Variants in ZNF512 observed in about 807,000 individuals in gnomAD.
The protein encoded by ZNF512 is zinc finger protein 512.
Under a neutral mutation model 77.5 loss-of-function variants are expected in ZNF512, and 25 were observed. The observed-to-expected ratio is 0.32, with a 90% CI of 0.23 to 0.45. The LOEUF (loss-of-function observed/expected upper bound fraction) is 0.45. ZNF512 is among the 20% of genes least tolerant of loss of function. ZNF512 has a pLI of 1.00. For missense variants in ZNF512, 483 were observed against 692.6 expected (o/e 0.70, Z 3.40); for synonymous variants, 246 against 239.9 (o/e 1.03, Z -0.24).
rs191376605 is a variant in ZNF512, at chr2:27,594,295, G to A, written c.90-3772G>A. Among the ~76,000 whole-genome samples, 11 of 148,258 alleles carry A rather than the reference G, an allele frequency of 7.4e-5. No homozygotes were observed. In the East Asian group the frequency reaches 1.8e-3, roughly 24 times the overall value. On this transcript the variant is annotated intron_variant, in intron 2 of 13. Transcript: ENST00000355467. ...CAGAGGCACTCCTCAGTTCGCAGAC[G>A]GGGTGGCAGCCGGGCAGAGGCGCTC...
At chr2:27,605,346 T>G (rs1672305557) in intron 9 of ZNF512, among the ~76,000 whole-genome samples, 1 of 151,812 alleles carries the variant, frequency 6.6e-6, no homozygotes, top group Admixed American at 6.6e-5. Flanking sequence ...CCCAGCTACT[T>G]GGGAGGTTGA....
intron 2 of ZNF512, among the ~76,000 whole-genome samples, chr2:27,594,503 C>T (rs1277401389): frequency 2.8e-5 from 4 of 143,512 alleles, no homozygotes; most frequent in East Asian, 2.1e-4. Context: ...ACAGGGCGGC[C>T]GGGCAGAGGC....
chr2:27,616,699 T>C (rs1672896332), intron 12 of ZNF512, among the ~76,000 whole-genome samples: 1 of 152,232 alleles, frequency 6.6e-6, no homozygotes, highest in African/African-American at 2.4e-5. Context: ...TGTGCTTACC[T>C]GGATTGGTAA....
At chr2:27,600,158 G>A in intron 5 of ZNF512, 105 bp downstream of exon 5, 1 of 1,304,886 alleles carries the variant, frequency 7.7e-7, no homozygotes, top group East Asian at 2.5e-5. Context: ...CTTTAAGGAG[G>A]CAGTTACTAA....
In ZNF512 at chr2:27,622,171, G is replaced by A. The variant is rs944294109; in HGVS notation, c.*710G>A. ...ACCCAAACATTAAAATGACAGGAAA[G>A]AGAAAGTAGAAGCAGCAATAAATAC... On this transcript the variant is annotated 3_prime_UTR_variant, in exon 14 of 14. Coordinates refer to ENST00000355467, the MANE Select transcript of ZNF512 (RefSeq NM_032434.4). 6.6e-6 allele frequency: 1 copy of A among 152,348 alleles called. No individual in the cohort carries two copies. The highest frequency in any genetic ancestry group is 1.5e-5 in the Non-Finnish European group (1 of 68,060). The allele number at this position is 152,348 out of a possible 1,614,324, so 9.4% of individuals were successfully genotyped here.
intron 10 of ZNF512, among the ~76,000 whole-genome samples, chr2:27,612,103 T>C (rs1572932096): frequency 1.3e-5 from 2 of 152,360 alleles, no homozygotes; most frequent in South Asian, 4.1e-4. Context: ...TCTATTTGTA[T>C]AAGTAAAGAC....
chr2:27,583,318 C>T (rs939772386), intron 1 of ZNF512, 176 bp downstream of exon 1: 30 of 1,266,870 alleles, frequency 2.4e-5, no homozygotes, highest in Non-Finnish European at 3.3e-5. Flanking sequence ...CTGCCTGTTC[C>T]CCACCTCCTT....
chr2:27,586,959 T>A (rs1292458889), intron 2 of ZNF512, among the ~76,000 whole-genome samples: 1 of 152,256 alleles, frequency 6.6e-6, no homozygotes, highest in East Asian at 1.9e-4. Flanking sequence ...TGTTTAGCCA[T>A]CTATCTTGAT....
chr2:27,599,887 G>C (rs1464594990), intron 4 of ZNF512, 83 bp from the exon 5 acceptor site: 1 of 1,460,462 alleles, frequency 6.8e-7, no homozygotes, highest in South Asian at 1.2e-5. Context: ...CTGGGAAATA[G>C]GGTGTTGAAG....
chr2:27,602,607 C>A lies in ZNF512; in HGVS notation c.768+46C>A. 3.3e-6 allele frequency: 5 copies of A among 1,520,188 alleles called. No homozygotes were observed. The South Asian group carries it at 4.9e-5, about 15-fold the overall frequency. The allele number at this position is 1,520,188 out of a possible 1,614,324, so 94.2% of individuals were successfully genotyped here. ...ATTCCTTCTGCCTGAATTCTCAGGT[C>A]AATGTCTTTCGTTCTTCTTTCCATT... On this transcript the variant is annotated intron_variant, in intron 8 of 13. Transcript: ENST00000355467.
In ZNF512 at chr2:27,621,730, C is replaced by T. The variant is rs1448830993; in HGVS notation, c.*269C>T. The T allele has an allele frequency of 2.7e-6, 1 of 375,100 alleles. No homozygotes were observed. Among genetic ancestry groups the T allele is most frequent in the East Asian group, 5.3e-5 (1 of 18,706 alleles). The allele number at this position is 375,100 out of a possible 1,614,324, so 23.2% of individuals were successfully genotyped here. On this transcript the variant is annotated 3_prime_UTR_variant, in exon 14 of 14. Coordinates refer to ENST00000355467, the MANE Select transcript of ZNF512 (RefSeq NM_032434.4). ...GCTCCCTCTCAAGGCCAACTATAGG[C>T]TCCTCTTGCCCTGTACAAAACTAAG... is the stretch of plus-strand genomic sequence containing the variant.
At position 27,623,012 on chromosome 2, in the gene ZNF512, A is replaced by G. The variant is rs542622940; in HGVS notation, c.*1551A>G. On this transcript the variant is annotated 3_prime_UTR_variant, in exon 14 of 14. Coordinates refer to ENST00000355467, the MANE Select transcript of ZNF512 (RefSeq NM_032434.4). ...TAGATGAGGGTTGTCAGGGAGGAGA[A>G]ATGAAGAAGCTATGTTAATTTCTGG... 3 of 152,950 alleles carry G rather than the reference A, an allele frequency of 2.0e-5. No homozygotes were observed. Among genetic ancestry groups the G allele is most frequent in the Admixed American group, 1.3e-4 (2 of 15,310 alleles). The allele number at this position is 152,950 out of a possible 1,614,324, so 9.5% of individuals were successfully genotyped here.
Position 27,599,611 on chromosome 2 carries a change from A to T in ZNF512, c.306A>T (p.Lys102Asn). 1 of 1,614,212 alleles carries T rather than the reference A, an allele frequency of 6.2e-7. No homozygotes were observed. The highest frequency in any genetic ancestry group is 8.5e-7 in the Non-Finnish European group (1 of 1,180,028). ...EGSGGVSAKG[K>N]RKPRQEEDED... is the part of the protein sequence containing the mutation. ...CAGGTGGAGTATCAGCCAAGGGGAAAAGGAAACCCAGGCAGGAAGAAGATG... is the reference window on the plus strand; with the variant it reads ...CAGGTGGAGTATCAGCCAAGGGGAATAGGAAACCCAGGCAGGAAGAAGATG... The change falls in exon 4 of 14, where the codon AAA becomes AAT. Residue 102 changes from lysine (K) to asparagine (N), a missense_variant. This residue lies in a region of ZNF512 where 159 missense variants were observed against 167.5 expected (regional missense o/e 0.95). Coordinates refer to ENST00000355467, the MANE Select transcript of ZNF512 (RefSeq NM_032434.4).
chr2:27,590,901 G>GT (rs537012169), intron 2 of ZNF512, among the ~76,000 whole-genome samples: 3 of 152,120 alleles, frequency 2.0e-5, no homozygotes, highest in Non-Finnish European at 4.4e-5. Context: ...GGAATCATTT[G>GT]TTTTAGCATT....
chr2:27,607,870 A>C lies in ZNF512; in HGVS notation c.962A>C (p.Gln321Pro). Residue 321 changes from glutamine to proline, a missense_variant, in exon 10 of 14, where the codon CAG becomes CCG. By Grantham distance (76) the Gln-to-Pro change is moderately conservative (BLOSUM62 -1). This residue lies in a region of ZNF512 where 324 missense variants were observed against 525.0 expected (regional missense o/e 0.62). Coordinates refer to ENST00000355467, the MANE Select transcript of ZNF512 (RefSeq NM_032434.4). Reference sequence around the variant, plus strand: ...ATATCCTTCTTTCCAGAGTCAGGACAGCCAGAGTGCTTAAAGGAGATGAAC... The same window carrying C: ...ATATCCTTCTTTCCAGAGTCAGGACCGCCAGAGTGCTTAAAGGAGATGAAC... ...GPISFFPESG[Q>P]PECLKEMNLE... 1 of 1,614,158 alleles carries C rather than the reference A, an allele frequency of 6.2e-7. No individual in the cohort carries two copies. The highest frequency in any genetic ancestry group is 1.3e-5 in the African/African-American group (1 of 75,032).
chr2:27,596,009 G>A (rs1253378211), intron 2 of ZNF512, among the ~76,000 whole-genome samples: 1 of 151,964 alleles, frequency 6.6e-6, no homozygotes, highest in Admixed American at 6.6e-5. Flanking sequence ...TGTAGATTTT[G>A]GGTCCTATTA....
intron 7 of ZNF512, among the ~76,000 whole-genome samples, chr2:27,601,644 T>G (rs1261757918): frequency 6.6e-6 from 1 of 150,806 alleles, no homozygotes; most frequent in Non-Finnish European, 1.5e-5. Context: ...TGGCTAATTT[T>G]TTTTGTTTTG....
At chr2:27,583,307 G>C in intron 1 of ZNF512, 165 bp downstream of exon 1, 1 of 1,285,568 alleles carries the variant, frequency 7.8e-7, no homozygotes, top group Non-Finnish European at 1.1e-6. Flanking sequence ...CCCACGTTCT[G>C]CTGCCTGTTC....
rs1558474959 is a variant in ZNF512 at position 27,610,582 on chromosome 2, T to TCA, written c.1131+2543_1131+2544insCA. 2.1e-4 allele frequency among the ~76,000 whole-genome samples: 11 copies of TCA among 52,868 alleles called. 2 individuals carry two copies. The highest frequency in any genetic ancestry group is 1.5e-3 in the East Asian group (2 of 1,322). 34.7% of individuals were successfully genotyped at this position (52,868 alleles called of 152,430 possible). A position where few individuals can be genotyped will look rare whatever the true frequency, so the allele number is the denominator to read the frequency against. The stretch of plus-strand genomic sequence containing the variant: ...TATATATATATATTTTTTTTTTTTT[T>TCA]TTTTTTTTTTTTTTTTTTGAGACAG... On this transcript the variant is annotated intron_variant, in intron 10 of 13. Transcript: ENST00000355467.
Sources: allele counts gnomAD v4.1 joint callset (sites outside exome capture counted in the v4.1 genomes callset), GRCh38; gene constraint gnomAD v4.1.1; regional missense constraint gnomAD v4.1.1; transcripts MANE v1.5; gene names NCBI Gene and HGNC (gene_info 2026-07-23, HGNC 2026-07-21).